PCYOX1: variants seen among roughly 807,000 people sequenced by gnomAD.
The protein encoded by PCYOX1 is prenylcysteine oxidase 1.
Under a neutral mutation model 46.4 loss-of-function variants are expected in PCYOX1, and 46 were observed. That is an observed-to-expected ratio of 0.99 (90% CI 0.78 to 1.27). The LOEUF is 1.27. Among genes scored for constraint, PCYOX1 ranks in the 50% most tolerant of loss-of-function variants. PCYOX1 has a pLI of 0.00. For synonymous variants in PCYOX1, 220 were observed against 231.8 expected (o/e 0.95, Z 0.46); for missense variants, 658 against 628.3 (o/e 1.05, Z -0.51).
chr2:70,267,314 C>T (rs547626450), intron 3 of PCYOX1, among the ~76,000 whole-genome samples: 3 of 150,914 alleles, frequency 2.0e-5, no homozygotes, highest in Admixed American at 6.6e-5. Flanking sequence ...ACTGGGCGGC[C>T]GGGCAGAGGA....
chr2:70,280,335 A>G lies in PCYOX1; in HGVS notation c.*2943A>G, dbSNP rs1200112696. 1 of 152,120 alleles carries G rather than the reference A, an allele frequency of 6.6e-6. No individual in the cohort carries two copies. Among genetic ancestry groups the G allele is most frequent in the Non-Finnish European group, 1.5e-5 (1 of 68,028 alleles). The allele number at this position is 152,120 out of a possible 1,614,324, so 9.4% of individuals were successfully genotyped here. On this transcript the variant is annotated 3_prime_UTR_variant, in exon 6 of 6. Coordinates refer to ENST00000433351, the MANE Select transcript of PCYOX1 (RefSeq NM_016297.4). The stretch of plus-strand genomic sequence containing the variant: ...AGTATTAAGAGTTTTATTGGAAGAA[A>G]AAACACTGTCAGAGCTTACTGCTCC...
Position 70,277,674 on chromosome 2 carries a change from T to C in PCYOX1, c.*282T>C, listed in dbSNP as rs920066700. 1.4e-5 allele frequency: 4 copies of C among 287,014 alleles called. No homozygotes were observed. Among genetic ancestry groups the C allele is most frequent in the East Asian group, 6.7e-5 (1 of 15,010 alleles). 17.8% of individuals were successfully genotyped at this position (287,014 alleles called of 1,614,324 possible). On this transcript the variant is annotated 3_prime_UTR_variant, in exon 6 of 6. Transcript: ENST00000433351. ...ATAAGAATCACCTGGAGTTAGGAGG[T>C]GGTGGTTGCAGTGAGCCAATCTCAC...
At chr2:70,264,243 T>C (rs1696482229) in intron 3 of PCYOX1, among the ~76,000 whole-genome samples, 3 of 151,800 alleles carry the variant, frequency 2.0e-5, no homozygotes, top group Admixed American at 2.0e-4. Context: ...GGGATTACGG[T>C]TGTGAGCTCC....
chr2:70,265,911 C>T lies in PCYOX1; in HGVS notation c.494+4525C>T, dbSNP rs1573979125. Among the ~76,000 whole-genome samples the T allele has an allele frequency of 2.6e-5, 4 of 152,080 alleles. No individual in the cohort carries two copies. In the South Asian group the frequency reaches 8.3e-4, roughly 31 times the overall value. ...GAGTCAATTTTTGTTCTTTCATTTC[C>T]CAAACCCACTCTATCTTGAATCCCA... On this transcript the variant is annotated intron_variant, in intron 3 of 5. Transcript: ENST00000433351.
intron 3 of PCYOX1, among the ~76,000 whole-genome samples, chr2:70,274,489 G>A (rs538115482): frequency 4.8e-4 from 72 of 151,266 alleles, no homozygotes; most frequent in South Asian, 3.6e-3. Flanking sequence ...AAACCACCGC[G>A]CCTGGCCTTA....
chr2:70,259,065 G>A (rs1573975469), intron 1 of PCYOX1, among the ~76,000 whole-genome samples: 1 of 152,344 alleles, frequency 6.6e-6, no homozygotes, highest in Non-Finnish European at 1.5e-5. Flanking sequence ...TGGGCATCTG[G>A]AAGGGTGTGC....
At position 70,280,349 on chromosome 2, in the gene PCYOX1, G is replaced by A. The variant is rs1696754656; in HGVS notation, c.*2957G>A. 1 of 151,746 alleles carries A rather than the reference G, an allele frequency of 6.6e-6. No individual in the cohort carries two copies. The highest frequency in any genetic ancestry group is 1.5e-5 in the Non-Finnish European group (1 of 68,024). 9.4% of individuals were successfully genotyped at this position (151,746 alleles called of 1,614,324 possible). On this transcript the variant is annotated 3_prime_UTR_variant, in exon 6 of 6. Coordinates refer to ENST00000433351, the MANE Select transcript of PCYOX1 (RefSeq NM_016297.4). ...TATTGGAAGAAAAAACACTGTCAGA[G>A]CTTACTGCTCCAGACCTTTTTTTTT... is the stretch of plus-strand genomic sequence containing the variant.
At chr2:70,269,056 A>C (rs1239938973) in intron 3 of PCYOX1, among the ~76,000 whole-genome samples, 1 of 152,144 alleles carries the variant, frequency 6.6e-6, no homozygotes, top group Non-Finnish European at 1.5e-5. Flanking sequence ...CATTATTGAA[A>C]ATGGGATATT....
In PCYOX1 at chr2:70,280,981, A is replaced by T. The variant is rs975005123; in HGVS notation, c.*3589A>T. On this transcript the variant is annotated 3_prime_UTR_variant, in exon 6 of 6. Transcript: ENST00000433351. Reference sequence around the variant, plus strand: ...TAGGTTTATAATACAACCATCTGTAATGTATCTCTCGTTTGAGCTTGTGGG... The same window carrying T: ...TAGGTTTATAATACAACCATCTGTATTGTATCTCTCGTTTGAGCTTGTGGG... 1.3e-5 allele frequency: 2 copies of T among 152,184 alleles called. No homozygotes were observed. Among genetic ancestry groups the T allele is most frequent in the Middle Eastern group, 3.2e-3 (1 of 316 alleles). 9.4% of individuals were successfully genotyped at this position (152,184 alleles called of 1,614,324 possible).
At position 70,280,232 on chromosome 2, in the gene PCYOX1, T is replaced by C. The variant is rs932336681; in HGVS notation, c.*2840T>C. On this transcript the variant is annotated 3_prime_UTR_variant, in exon 6 of 6. Coordinates refer to ENST00000433351, the MANE Select transcript of PCYOX1 (RefSeq NM_016297.4). ...AAGTAGTTTTAATGCAACTACAGTG[T>C]TGAGTGCTTTTTTACTGGGAGAAAA... 6.6e-6 allele frequency: 1 copy of C among 152,196 alleles called. No homozygotes were observed. Among genetic ancestry groups the C allele is most frequent in the Non-Finnish European group, 1.5e-5 (1 of 68,042 alleles). 9.4% of individuals were successfully genotyped at this position (152,196 alleles called of 1,614,324 possible). A position where few individuals can be genotyped will look rare whatever the true frequency, so the allele number is the denominator to read the frequency against.
rs947965715 is a variant in PCYOX1, at chr2:70,280,795, T to C, written c.*3403T>C. On this transcript the variant is annotated 3_prime_UTR_variant, in exon 6 of 6. Transcript: ENST00000433351. Reference sequence around the variant, plus strand: ...ATGCCATTTAAGAGTGAGAGAGGTATATATCTATGAGCCATTGTGTTTGGT... The same window carrying C: ...ATGCCATTTAAGAGTGAGAGAGGTACATATCTATGAGCCATTGTGTTTGGT... 2 of 152,216 alleles carry C rather than the reference T, an allele frequency of 1.3e-5. No homozygotes were observed. Among genetic ancestry groups the C allele is most frequent in the Non-Finnish European group, 2.9e-5 (2 of 68,040 alleles). 9.4% of individuals were successfully genotyped at this position (152,216 alleles called of 1,614,324 possible).
In PCYOX1 at chr2:70,277,441, C is replaced by G; in HGVS notation, c.*49C>G. The stretch of plus-strand genomic sequence containing the variant: ...CCTAGTTCCAAATGACTATCAGTGG[C>G]AAAAAAGAACAAAATCTGAGCAGAG... On this transcript the variant is annotated 3_prime_UTR_variant, in exon 6 of 6. Coordinates refer to ENST00000433351, the MANE Select transcript of PCYOX1 (RefSeq NM_016297.4). 1 of 1,375,516 alleles carries G rather than the reference C, an allele frequency of 7.3e-7. No homozygotes were observed. The highest frequency in any genetic ancestry group is 1.0e-6 in the Non-Finnish European group (1 of 1,000,838). The allele number at this position is 1,375,516 out of a possible 1,614,324, so 85.2% of individuals were successfully genotyped here.
chr2:70,271,234 AT>A (rs374086458), intron 3 of PCYOX1, among the ~76,000 whole-genome samples: 7,630 of 127,856 alleles, frequency 0.06, 460 homozygotes, highest in African/African-American at 0.17. Flanking sequence ...TGCCTGGCTA[AT>A]TTTTTTTTTT....
rs1418388063 is a variant in PCYOX1 at position 70,261,200 on chromosome 2, A to G, written c.320-12A>G. 1 of 1,592,340 alleles carries G rather than the reference A, an allele frequency of 6.3e-7. No individual in the cohort carries two copies. Among genetic ancestry groups the G allele is most frequent in the Non-Finnish European group, 8.6e-7 (1 of 1,161,590 alleles). On this transcript the variant is annotated splice_polypyrimidine_tract_variant and intron_variant, in intron 2 of 5. Transcript: ENST00000433351. ...GACACCACTGACTTAGCTGTGCTTT[A>G]TGTTTTTGCAGGTCTCTCTGCTGTT...
chr2:70,272,461 T>C (rs12614299), intron 3 of PCYOX1, among the ~76,000 whole-genome samples: 12,410 of 151,978 alleles, frequency 0.082, 522 homozygotes, highest in East Asian at 0.18. Flanking sequence ...AGAGTCTTGC[T>C]ATGTTGCCCA....
intron 2 of PCYOX1, among the ~76,000 whole-genome samples, chr2:70,260,883 G>A (rs987600216): frequency 1.1e-4 from 17 of 152,166 alleles, no homozygotes; most frequent in African/African-American, 3.6e-4. Flanking sequence ...ATGCATGTCT[G>A]ACATCTTTGT....
intron 3 of PCYOX1, among the ~76,000 whole-genome samples, chr2:70,274,256 G>T (rs974910792): frequency 1.3e-5 from 2 of 150,148 alleles, no homozygotes; most frequent in African/African-American, 4.9e-5. Flanking sequence ...GGAGTGCAGC[G>T]GTGTGATCTC....
In PCYOX1 at chr2:70,279,007, A is replaced by T. The variant is rs1409138514; in HGVS notation, c.*1615A>T. On this transcript the variant is annotated 3_prime_UTR_variant, in exon 6 of 6. Transcript: ENST00000433351. ...CAGCTGCTCGGGAGGCTGAGGTGGG[A>T]GGATCACTTGAGCCTTGGAGGTCAA... 1 of 152,046 alleles carries T rather than the reference A, an allele frequency of 6.6e-6. No homozygotes were observed. The highest frequency in any genetic ancestry group is 1.5e-5 in the Non-Finnish European group (1 of 68,010). The allele number at this position is 152,046 out of a possible 1,614,324, so 9.4% of individuals were successfully genotyped here. A position where few individuals can be genotyped will look rare whatever the true frequency, so the allele number is the denominator to read the frequency against.
At chr2:70,259,805 G>A (rs1456889165) in intron 2 of PCYOX1, among the ~76,000 whole-genome samples, 1 of 150,902 alleles carries the variant, frequency 6.6e-6, no homozygotes, top group African/African-American at 2.4e-5. Flanking sequence ...GTGGGGGTGG[G>A]AATGGCTGCC....
Sources: gnomAD v4.1 joint callset for allele counts (sites outside exome capture counted in the v4.1 genomes callset) on GRCh38, gnomAD v4.1.1 for gene constraint, MANE v1.5 for transcripts, NCBI Gene and HGNC (gene_info 2026-07-23, HGNC 2026-07-21) for gene names.